Variants in DNAH17 observed in about 807,000 individuals in gnomAD.
DNAH17 encodes axonemal beta dynein heavy chain 17.
A neutral mutation model predicts 485.6 loss-of-function variants in DNAH17; 376 were observed. The observed-to-expected ratio is 0.77, with a 90% CI of 0.71 to 0.84. DNAH17 has a LOEUF of 0.84. Ranked by LOEUF, DNAH17 falls within the 40% of genes least tolerant of loss-of-function variation. The pLI, the probability that DNAH17 is intolerant of heterozygous loss-of-function variation, is 0.00. For missense variants in DNAH17, 6,370 were observed against 5,839.3 expected (o/e 1.09, Z -2.96); for synonymous variants, 3,031 against 2,405.9 (o/e 1.26, Z -7.60).
intron 4 of DNAH17, 66 bp downstream of exon 4, chr17:78,571,524 G>T (rs1203714214): frequency 3.8e-6 from 6 of 1,579,494 alleles, no homozygotes; most frequent in Admixed American, 1.7e-5. Context: ...ACTGGGAGGC[G>T]GAGAGCTCGG....
At chr17:78,568,956 G>A (rs370856636) in intron 9 of DNAH17, among the ~76,000 whole-genome samples, 45 of 152,304 alleles carry the variant, frequency 3.0e-4, no homozygotes, top group African/African-American at 1.1e-3. Context: ...AGAAGCACCC[G>A]AAGTGGGTCA....
In DNAH17 at chr17:78,501,847, C is replaced by T. The variant is rs376047406; in HGVS notation, c.5217G>A (p.Thr1739=). ...KQISQLNVLI[T]LLMGNLNAGD... The stretch of plus-strand genomic sequence containing the variant: ...CAGCGTTGAGGTTCCCCATGAGCAG[C>T]GTGATGAGTACGTTCAGCTGGCTAA... Residue 1739 remains threonine, a synonymous_variant, in exon 34 of 81, where the codon ACG becomes ACA. Transcript: ENST00000389840. 1,598 of 1,613,864 alleles carry T rather than the reference C, an allele frequency of 9.9e-4. 2 individuals carry two copies. The highest frequency in any genetic ancestry group is 1.2e-3 in the Non-Finnish European group (1,433 of 1,179,898).
At chr17:78,554,563 A>G (rs1189217199) in intron 14 of DNAH17, among the ~76,000 whole-genome samples, 3 of 152,002 alleles carry the variant, frequency 2.0e-5, no homozygotes, top group African/African-American at 7.3e-5. Flanking sequence ...CAGAACAAAC[A>G]AGGGAGAAGT....
chr17:78,460,916 G>A (rs692573), intron 58 of DNAH17, among the ~76,000 whole-genome samples: 114,194 of 152,042 alleles, frequency 0.75, 43,951 homozygotes, highest in East Asian at 0.96. Flanking sequence ...GGCCATGACT[G>A]GAACGCTCTT....
At chr17:78,517,904 C>G (rs2090831671) in intron 25 of DNAH17, among the ~76,000 whole-genome samples, 2 of 152,118 alleles carry the variant, frequency 1.3e-5, no homozygotes, top group Non-Finnish European at 2.9e-5. Context: ...TTAAGAGGGG[C>G]AGAGGTGAGG....
intron 14 of DNAH17, among the ~76,000 whole-genome samples, chr17:78,555,543 CAAAAAAA>C (rs765954549): frequency 1.8e-4 from 14 of 77,694 alleles, no homozygotes; most frequent in African/African-American, 2.2e-4. Flanking sequence ...GATTCCGTCA[CAAAAAAA>C]AAAAAAAAAA....
At chr17:78,469,401 A>T (rs1484508409) in intron 54 of DNAH17, among the ~76,000 whole-genome samples, 1 of 152,170 alleles carries the variant, frequency 6.6e-6, no homozygotes, top group African/African-American at 2.4e-5. Context: ...TCGGCCTCCC[A>T]AAGTGCTGGG....
rs955779240 is a variant in DNAH17 at position 78,502,083 on chromosome 17, C to G, written c.5191-210G>C. ...GACACCTGGCAGTGGCTAGCATGGA[C>G]GTAGTAGAAGGAAATTCAAGGCCAC... On this transcript the variant is annotated intron_variant, in intron 33 of 80. Coordinates refer to ENST00000389840, the MANE Select transcript of DNAH17 (RefSeq NM_173628.4). 8.1e-6 allele frequency: 5 copies of G among 613,730 alleles called. No individual in the cohort carries two copies. In the South Asian group the frequency reaches 8.6e-5, roughly 11 times the overall value. The allele number at this position is 613,730 out of a possible 1,614,324, so 38.0% of individuals were successfully genotyped here. A position where few individuals can be genotyped will look rare whatever the true frequency, so the allele number is the denominator to read the frequency against.
At position 78,470,069 on chromosome 17, in the gene DNAH17, CTTT is replaced by C. The variant is rs34298026; in HGVS notation, c.8512-1189_8512-1187del. ...TTAAAAGTGGTGAAAATGTCTTACT[CTTT>C]TTTTTTTTTTTTTTTTTTTGAGACA... On this transcript the variant is annotated intron_variant, in intron 54 of 80. Coordinates refer to ENST00000389840, the MANE Select transcript of DNAH17 (RefSeq NM_173628.4). Among the ~76,000 whole-genome samples the C allele has an allele frequency of 1.2e-3, 109 of 93,370 alleles. 1 individual carries two copies. Among genetic ancestry groups the C allele is most frequent in the African/African-American group, 4.0e-3 (91 of 22,908 alleles). The allele number at this position is 93,370 out of a possible 152,430, so 61.3% of individuals were successfully genotyped here.
chr17:78,500,050 G>A, intron 36 of DNAH17: 1 of 443,472 alleles, frequency 2.3e-6, no homozygotes, highest in Non-Finnish European at 4.0e-6. Context: ...AACTGAAATT[G>A]AGAGAGGGTC....
chr17:78,504,824 G>C (rs1007557484), intron 31 of DNAH17, among the ~76,000 whole-genome samples: 1 of 148,708 alleles, frequency 6.7e-6, no homozygotes, highest in African/African-American at 2.5e-5. Context: ...GCAGTTCAGA[G>C]ATGTGCAACC....
chr17:78,429,336 C>G, intron 75 of DNAH17, 36 bp from the exon 76 acceptor site: 1 of 1,597,804 alleles, frequency 6.3e-7, no homozygotes, highest in Non-Finnish European at 8.5e-7. Context: ...GGAAAGTGCC[C>G]CTGTGCCCCT....
At chr17:78,431,938 G>A (rs1362156564) in intron 75 of DNAH17, among the ~76,000 whole-genome samples, 2 of 152,128 alleles carry the variant, frequency 1.3e-5, no homozygotes, top group Admixed American at 6.6e-5. Flanking sequence ...TTGGGAGGCC[G>A]AGGTGGGCGG....
At chr17:78,453,592 A>G (rs2087651007) in intron 64 of DNAH17, 127 bp from the exon 65 acceptor site, 3 of 1,260,294 alleles carry the variant, frequency 2.4e-6, no homozygotes, top group Non-Finnish European at 3.2e-6. Flanking sequence ...CTAGGAGCCC[A>G]CAACTTGTTC....
chr17:78,451,660 C>G lies in DNAH17; in HGVS notation c.10543G>C (p.Gly3515Arg). The G allele has an allele frequency of 6.4e-7, 1 of 1,573,690 alleles. No individual in the cohort carries two copies. Among genetic ancestry groups the G allele is most frequent in the Non-Finnish European group, 8.6e-7 (1 of 1,159,738 alleles). Residue 3515 changes from glycine (G) to arginine (R), a missense_variant, in exon 66 of 81, where the codon GGT becomes CGT. By Grantham distance (125) the Gly-to-Arg change is moderately radical. Coordinates refer to ENST00000389840, the MANE Select transcript of DNAH17 (RefSeq NM_173628.4). Reference protein sequence around the residue: ...TIKKGKYIKIGDKEVEYHPKF... With the variant: ...TIKKGKYIKIRDKEVEYHPKF... The stretch of plus-strand genomic sequence containing the variant: ...GGGTGGTACTCCACCTCCTTGTCAC[C>G]GATCTTAATGTACCTGGCGGTTGGT...
In DNAH17 at chr17:78,562,090, A is replaced by T. The variant is rs547092378; in HGVS notation, c.1570-110T>A. On this transcript the variant is annotated intron_variant, in intron 11 of 80. Coordinates refer to ENST00000389840, the MANE Select transcript of DNAH17 (RefSeq NM_173628.4). ...AATCTTCAGGAGTGAGAGAATGTGT[A>T]CCTTGCCAAAACAAAACAATCCACT... The T allele has an allele frequency of 2.8e-5, 37 of 1,323,022 alleles. No individual in the cohort carries two copies. In the African/African-American group the frequency reaches 4.4e-4, roughly 16 times the overall value. 82.0% of individuals were successfully genotyped at this position (1,323,022 alleles called of 1,614,324 possible).
chr17:78,442,745 GGAA>G (rs2087122607), intron 71 of DNAH17, among the ~76,000 whole-genome samples: 1 of 152,210 alleles, frequency 6.6e-6, no homozygotes, highest in African/African-American at 2.4e-5. Context: ...CGGCCACAGA[GGAA>G]GCACTTACGC....
At chr17:78,486,609 G>T in intron 44 of DNAH17, 103 bp from the exon 45 acceptor site, 1 of 1,403,406 alleles carries the variant, frequency 7.1e-7, no homozygotes, top group Non-Finnish European at 9.5e-7. Context: ...ATTCTGCTGG[G>T]GCTGCCCTCA....
intron 77 of DNAH17, 82 bp from the exon 78 acceptor site, chr17:78,427,190 T>C: frequency 7.0e-7 from 1 of 1,438,292 alleles, no homozygotes; most frequent in South Asian, 1.2e-5. Context: ...CTGCCCAAAA[T>C]GTTCCCAGCC....
Sources: allele counts gnomAD v4.1 joint callset (sites outside exome capture counted in the v4.1 genomes callset), GRCh38; gene constraint gnomAD v4.1.1; transcripts MANE v1.5; gene names NCBI Gene and HGNC (gene_info 2026-07-23, HGNC 2026-07-21).